The following CCDC80 variants were observed in gnomAD, a reference collection of about 807,000 sequenced individuals.
CCDC80 encodes coiled-coil domain containing 80, also known as coiled-coil domain-containing protein 80.
In CCDC80, 49 loss-of-function variants were observed where a neutral mutation model predicts 78.7. The ratio of observed to expected loss-of-function variants is 0.62; its 90% CI spans 0.50 to 0.79. CCDC80 has a LOEUF of 0.79. Ranked by LOEUF, CCDC80 falls within the 30% of genes least tolerant of loss-of-function variation. The probability of loss-of-function intolerance (pLI) is 0.00; values close to 1 mark genes in which losing one functional copy is unlikely to be tolerated. For missense variants in CCDC80, 1,205 were observed against 1,198.6 expected (o/e 1.01, Z -0.08); for synonymous variants, 488 against 447.0 (o/e 1.09, Z -1.16).
At position 112,618,994 on chromosome 3, in the gene CCDC80, G is replaced by A. The variant is rs1368856606; in HGVS notation, c.2146C>T (p.Leu716=). ...TTGACTCTCAGATCCACATCTGTTA[G>A]CACCATGAAGAAGTCATTGTAGGTC... ...GMTYNDFFMV[L]TDVDLRVKQY... Residue 716 remains leucine (L), a synonymous_variant, in exon 4 of 8, where the codon CTA becomes TTA. Coordinates refer to ENST00000206423, the MANE Select transcript of CCDC80 (RefSeq NM_199511.3). The A allele has an allele frequency of 6.2e-7, 1 of 1,613,916 alleles. No homozygotes were observed. The highest frequency in any genetic ancestry group is 1.7e-5 in the Admixed American group (1 of 59,952).
rs542486105 is a variant in CCDC80, at chr3:112,622,115, T to A, written c.2036-3011A>T. ...ACATTACCTCACTCCCACCCAGTGTTCTCTCTGCTATGCCAAAATGCCTCA... is the reference window on the plus strand; with the variant it reads ...ACATTACCTCACTCCCACCCAGTGTACTCTCTGCTATGCCAAAATGCCTCA... On this transcript the variant is annotated intron_variant, in intron 3 of 7. Transcript: ENST00000206423. Among the ~76,000 whole-genome samples, 8 of 152,218 alleles carry A rather than the reference T, an allele frequency of 5.3e-5. No individual in the cohort carries two copies. In the South Asian group the frequency reaches 1.7e-3, roughly 32 times the overall value.
rs1395312293 is a variant in CCDC80, at chr3:112,638,163, C to G, written c.1743G>C (p.Glu581Asp). 1.9e-6 allele frequency: 3 copies of G among 1,614,068 alleles called. No individual in the cohort carries two copies. The South Asian group carries it at 3.3e-5, about 18-fold the overall frequency. ...TACCTCCTTTTTTCTTCTTGCTCTT[C>G]TCTTTCTCTTGCTTGCTCTTTTTCT... ...KSEKKSKQEK[E>D]KSKKKKGGKT... The change falls in exon 2 of 8, where the codon GAG (glutamate) becomes GAC (aspartate). Residue 581 changes from glutamate to aspartate, a missense_variant. Physicochemically the swap from Glu to Asp is conservative, Grantham distance 45 (BLOSUM62 2). Coordinates refer to ENST00000206423, the MANE Select transcript of CCDC80 (RefSeq NM_199511.3).
intron 3 of CCDC80, among the ~76,000 whole-genome samples, chr3:112,622,763 C>T (rs1191948188): frequency 6.6e-6 from 1 of 151,844 alleles, no homozygotes. Flanking sequence ...TCAAGTGATC[C>T]TTCCACCTCA....
chr3:112,631,767 C>A (rs1159386993), intron 2 of CCDC80, among the ~76,000 whole-genome samples: 1 of 152,136 alleles, frequency 6.6e-6, no homozygotes, highest in Non-Finnish European at 1.5e-5. Flanking sequence ...TACCTGCAGG[C>A]TTTCCCTTCT....
intron 3 of CCDC80, among the ~76,000 whole-genome samples, chr3:112,625,214 C>T (rs576506579): frequency 1.9e-4 from 29 of 152,252 alleles, no homozygotes; most frequent in African/African-American, 7.0e-4. Context: ...TACCATTTTT[C>T]ACATATTACA....
intron 5 of CCDC80, among the ~76,000 whole-genome samples, chr3:112,616,136 T>C (rs1185154346): frequency 2.0e-5 from 3 of 151,768 alleles, no homozygotes; most frequent in African/African-American, 4.8e-5. Context: ...TCCTCCCCCA[T>C]GGACACTGGG....
chr3:112,636,491 A>C (rs1337377743), intron 2 of CCDC80, among the ~76,000 whole-genome samples: 1 of 152,246 alleles, frequency 6.6e-6, no homozygotes, highest in African/African-American at 2.4e-5. Context: ...CAGACCTACT[A>C]TCAATGTAAA....
chr3:112,625,451 TTCA>T (rs1299467688), intron 3 of CCDC80, among the ~76,000 whole-genome samples: 2 of 152,234 alleles, frequency 1.3e-5, no homozygotes, highest in Non-Finnish European at 2.9e-5. Flanking sequence ...CGTAACCTTG[TTCA>T]TATATAGCTC....
At position 112,605,638 on chromosome 3, in the gene CCDC80, AG is replaced by A. The variant is rs1935470039; in HGVS notation, c.2631del (p.Trp878GlyfsTer10). On this transcript the variant is annotated frameshift_variant, in exon 8 of 8. Coordinates refer to ENST00000206423, the MANE Select transcript of CCDC80 (RefSeq NM_199511.3). LOFTEE classifies it high-confidence loss of function. ...ATGGACCACATTGGGGAAGGATACC[AG>A]GATTTGACATTTCCGTCTTTTCCGA... is the stretch of plus-strand genomic sequence containing the variant. ...LLVGKDGNVKSWYPSPMWSMV... is the reference protein window; with the variant it reads ...LLVGKDGNVKXWYPSPMWSMV... 7.4e-6 allele frequency: 12 copies of A among 1,614,254 alleles called. No homozygotes were observed. The highest frequency in any genetic ancestry group is 1.0e-5 in the Non-Finnish European group (12 of 1,180,036).
intron 2 of CCDC80, among the ~76,000 whole-genome samples, chr3:112,632,117 A>G (rs950331370): frequency 7.2e-5 from 11 of 152,126 alleles, no homozygotes; most frequent in Non-Finnish European, 1.5e-4. Flanking sequence ...TGGTATTTTT[A>G]GTTGCTTGGT....
chr3:112,630,488 A>G (rs1189297727), intron 2 of CCDC80, among the ~76,000 whole-genome samples: 1 of 152,080 alleles, frequency 6.6e-6, no homozygotes, highest in Non-Finnish European at 1.5e-5. Context: ...CACTTCCATT[A>G]TTTACCTCCA....
chr3:112,618,502 G>T (rs1000339204), intron 4 of CCDC80, among the ~76,000 whole-genome samples: 2 of 151,896 alleles, frequency 1.3e-5, no homozygotes, highest in Non-Finnish European at 2.9e-5. Context: ...ACTCCAGCCT[G>T]GGCAACAGGG....
chr3:112,607,297 T>C (rs765463989), intron 6 of CCDC80, 41 bp from the exon 7 acceptor site: 10 of 1,485,730 alleles, frequency 6.7e-6, no homozygotes, highest in South Asian at 2.4e-5. Flanking sequence ...AGGAAAGGAT[T>C]AGAAGTTATC....
At chr3:112,631,926 G>A (rs1018827126) in intron 2 of CCDC80, among the ~76,000 whole-genome samples, 8 of 152,134 alleles carry the variant, frequency 5.3e-5, no homozygotes, top group African/African-American at 1.9e-4. Context: ...ATTTTAAATA[G>A]ACATGCTTTA....
chr3:112,607,302 G>A (rs1935533088), intron 6 of CCDC80, 46 bp from the exon 7 acceptor site: 1 of 1,452,430 alleles, frequency 6.9e-7, no homozygotes, highest in Middle Eastern at 1.8e-4. Context: ...AGGATTAGAA[G>A]TTATCTTTTA....
Position 112,638,076 on chromosome 3 carries a change from C to T in CCDC80, c.1830G>A (p.Lys610=), listed in dbSNP as rs1255327529. ...AGGACCCCAGCAGGTCGGCCACTGA[C>T]TTCTTGGGACTCTGCGTGAAGTGTT... ...TNKHFTQSPK[K]SVADLLGSFE... The change falls in exon 2 of 8, where the codon AAG becomes AAA. Residue 610 remains lysine, a synonymous_variant. Coordinates refer to ENST00000206423, the MANE Select transcript of CCDC80 (RefSeq NM_199511.3). The T allele has an allele frequency of 1.3e-5, 21 of 1,611,382 alleles. No individual in the cohort carries two copies. The highest frequency in any genetic ancestry group is 1.7e-5 in the Admixed American group (1 of 59,314).
intron 5 of CCDC80, among the ~76,000 whole-genome samples, chr3:112,611,544 G>A (rs994654198): frequency 3.3e-4 from 50 of 152,330 alleles, no homozygotes; most frequent in African/African-American, 1.2e-3. Flanking sequence ...AAGGCTTAGA[G>A]AAGTGAATAA....
Position 112,604,187 on chromosome 3 carries a change from T to C in CCDC80, c.*1230A>G, listed in dbSNP as rs777430532. On this transcript the variant is annotated 3_prime_UTR_variant, in exon 8 of 8. Coordinates refer to ENST00000206423, the MANE Select transcript of CCDC80 (RefSeq NM_199511.3). ...TACAACATTACATAAATTTCATTAA[T>C]AAAGCAGCAACAGGGTTTGAGAGGA... 7.9e-5 allele frequency: 12 copies of C among 152,246 alleles called. No individual in the cohort carries two copies. The highest frequency in any genetic ancestry group is 4.6e-4 in the Admixed American group (7 of 15,288). 9.4% of individuals were successfully genotyped at this position (152,246 alleles called of 1,614,324 possible).
At chr3:112,618,880 T>C in intron 4 of CCDC80, 88 bp downstream of exon 4, 6 of 1,383,472 alleles carry the variant, frequency 4.3e-6, no homozygotes, top group Non-Finnish European at 6.0e-6. Flanking sequence ...TTATGCTTAC[T>C]CGTACATTGA....
Sources: allele counts gnomAD v4.1 joint callset (sites outside exome capture counted in the v4.1 genomes callset), GRCh38; gene constraint gnomAD v4.1.1; transcripts MANE v1.5; gene names NCBI Gene and HGNC (gene_info 2026-07-23, HGNC 2026-07-21).